The following USP34 variants were observed in gnomAD, a reference collection of about 807,000 sequenced individuals.
USP34 encodes ubiquitin carboxyl-terminal hydrolase 34.
A neutral mutation model predicts 460.3 loss-of-function variants in USP34; 70 were observed. The ratio of observed to expected loss-of-function variants is 0.15; its 90% confidence interval spans 0.13 to 0.19. The LOEUF (loss-of-function observed/expected upper bound fraction) is 0.19, where lower values mean the gene tolerates loss of function less well. USP34 is among the 10% of genes least tolerant of loss of function. The pLI is 1.00. For synonymous variants in USP34, 1,647 were observed against 1,405.3 expected (o/e 1.17, Z -3.85); for missense variants, 3,985 against 4,236.2 (o/e 0.94, Z 1.65).
At chr2:61,285,719 T>C (rs757487926) in intron 34 of USP34, among the ~76,000 whole-genome samples, 1 of 152,080 alleles carries the variant, frequency 6.6e-6, no homozygotes, top group African/African-American at 2.4e-5. Flanking sequence ...CAAGTAGTAA[T>C]AGATTCCTCA....
chr2:61,460,248 A>T (rs559762668), intron 1 of USP34, among the ~76,000 whole-genome samples: 1 of 152,200 alleles, frequency 6.6e-6, no homozygotes, highest in African/African-American at 2.4e-5. Context: ...TAAACAATTC[A>T]TAAGTTTTAA....
intron 27 of USP34, among the ~76,000 whole-genome samples, chr2:61,303,337 AT>A (rs1223168710): frequency 6.6e-6 from 1 of 152,116 alleles, no homozygotes; most frequent in Non-Finnish European, 1.5e-5. Context: ...AAGTGCTGGG[AT>A]TACAGCCATG....
chr2:61,320,865 C>T (rs897345554), intron 21 of USP34, among the ~76,000 whole-genome samples: 2 of 152,050 alleles, frequency 1.3e-5, no homozygotes, highest in Non-Finnish European at 2.9e-5. Context: ...CAAAAATTAG[C>T]CAGGCGTGGT....
chr2:61,385,997 C>CA (rs58518474), intron 5 of USP34, among the ~76,000 whole-genome samples: 43,893 of 99,078 alleles, frequency 0.44, 7,701 homozygotes, highest in Admixed American at 0.48. Flanking sequence ...ACTCTGTCTC[C>CA]AAAAAAAAAA....
At chr2:61,286,052 G>A (rs1169131297) in intron 34 of USP34, among the ~76,000 whole-genome samples, 1 of 152,172 alleles carries the variant, frequency 6.6e-6, no homozygotes, top group Admixed American at 6.5e-5. Context: ...GAAGGGAGCA[G>A]GAACTAAACC....
At chr2:61,468,292 C>T (rs1047670978) in intron 1 of USP34, among the ~76,000 whole-genome samples, 3 of 152,346 alleles carry the variant, frequency 2.0e-5, no homozygotes, top group Non-Finnish European at 4.4e-5. Flanking sequence ...TCAAGCAATT[C>T]TCCTGGTCAG....
intron 75 of USP34, among the ~76,000 whole-genome samples, chr2:61,199,046 T>A (rs1204248515): frequency 6.6e-6 from 1 of 152,238 alleles, no homozygotes; most frequent in Non-Finnish European, 1.5e-5. Context: ...CTGTTAAGTA[T>A]GCAAACATTT....
rs1558615153 is a variant in USP34 at position 61,470,714 on chromosome 2, C to G, written c.-22G>C. The G allele has an allele frequency of 3.2e-6, 5 of 1,587,122 alleles. No individual in the cohort carries two copies. Among genetic ancestry groups the G allele is most frequent in the Non-Finnish European group, 4.3e-6 (5 of 1,165,806 alleles). ...ACATCGTTCGGCCGCCGCCCCCCCC[C>G]TCCCCCGCTTCGGATCACACTGACT... On this transcript the variant is annotated 5_prime_UTR_variant, in exon 1 of 80. Coordinates refer to ENST00000398571, the MANE Select transcript of USP34 (RefSeq NM_014709.4).
At chr2:61,358,001 G>A (rs1692156741) in intron 10 of USP34, among the ~76,000 whole-genome samples, 1 of 152,026 alleles carries the variant, frequency 6.6e-6, no homozygotes, top group Admixed American at 6.6e-5. Context: ...GATCAGCCTG[G>A]CCGACATGGC....
intron 8 of USP34, among the ~76,000 whole-genome samples, chr2:61,374,027 G>T (rs535633320): frequency 6.6e-6 from 1 of 151,988 alleles, no homozygotes; most frequent in Admixed American, 6.6e-5. Context: ...GTGGTGGCAG[G>T]TGCCTATAAT....
intron 53 of USP34, among the ~76,000 whole-genome samples, chr2:61,239,006 A>G (rs1318256665): frequency 1.3e-5 from 2 of 151,638 alleles, no homozygotes; most frequent in Non-Finnish European, 2.9e-5. Context: ...ATGGTGATCT[A>G]TAACCAGTAT....
At chr2:61,280,155 TTAA>T in intron 39 of USP34, 86 bp downstream of exon 39, 1 of 746,186 alleles carries the variant, frequency 1.3e-6, no homozygotes, top group East Asian at 3.3e-5. Context: ...TGAAGTACAC[TTAA>T]TAACCAATAA....
intron 1 of USP34, among the ~76,000 whole-genome samples, chr2:61,457,357 G>A (rs1695470261): frequency 6.6e-6 from 1 of 152,190 alleles, no homozygotes; most frequent in South Asian, 2.1e-4. Flanking sequence ...GCAAGCCACA[G>A]AGAAATAAAG....
intron 2 of USP34, among the ~76,000 whole-genome samples, chr2:61,408,933 G>A (rs1487836027): frequency 4.6e-5 from 7 of 151,998 alleles, no homozygotes; most frequent in Non-Finnish European, 8.8e-5. Context: ...TCATAAACTT[G>A]AGTGTCGGGG....
chr2:61,341,232 T>A (rs1382818449), intron 16 of USP34, among the ~76,000 whole-genome samples: 1 of 152,212 alleles, frequency 6.6e-6, no homozygotes, highest in Non-Finnish European at 1.5e-5. Flanking sequence ...TAATTCCAGT[T>A]GGAAGGCCTT....
intron 1 of USP34, among the ~76,000 whole-genome samples, chr2:61,450,971 G>C (rs1298888107): frequency 6.6e-6 from 1 of 150,964 alleles, no homozygotes; most frequent in East Asian, 1.9e-4. Flanking sequence ...TGTAATCCCA[G>C]CACTTTGGGA....
chr2:61,465,806 T>A (rs1201275112), intron 1 of USP34, among the ~76,000 whole-genome samples: 1 of 151,828 alleles, frequency 6.6e-6, no homozygotes, highest in African/African-American at 2.4e-5. Context: ...TGAAACCCCA[T>A]CTCTACTAAA....
chr2:61,207,347 T>C (rs1345629057), intron 70 of USP34: 1 of 154,242 alleles, frequency 6.5e-6, no homozygotes, highest in Non-Finnish European at 1.4e-5. Flanking sequence ...ATTTCCTTTA[T>C]ATTGGCTTGT....
At chr2:61,460,863 G>T (rs1695577663) in intron 1 of USP34, among the ~76,000 whole-genome samples, 1 of 151,610 alleles carries the variant, frequency 6.6e-6, no homozygotes, top group South Asian at 2.1e-4. Flanking sequence ...CACGCCTGTA[G>T]TCCCAGGTAC....
Sources: allele counts gnomAD v4.1 joint callset (sites outside exome capture counted in the v4.1 genomes callset), GRCh38; gene constraint gnomAD v4.1.1; transcripts MANE v1.5; gene names NCBI Gene and HGNC (gene_info 2026-07-23, HGNC 2026-07-21).